ANK3: variants seen among roughly 807,000 people sequenced by gnomAD.
The protein encoded by ANK3 is ankyrin-3.
ANK3 carries 57 observed loss-of-function variants against 370.9 expected under a neutral mutation model. The ratio of observed to expected loss-of-function variants is 0.15; its 90% CI spans 0.12 to 0.19. The LOEUF is 0.19. Ranked by LOEUF, ANK3 falls within the 10% of genes least tolerant of loss-of-function variation. The pLI, the probability that ANK3 is intolerant of heterozygous loss-of-function variation, is 1.00. For missense variants in ANK3, 4,439 were observed against 5,302.1 expected, an observed-to-expected ratio of 0.84 and a Z score of 5.06; for synonymous variants, 1,929 against 1,946.3, an observed-to-expected ratio of 0.99 and a Z score of 0.23.
chr10:60,191,263 C>CA (rs1351529672), intron 16 of ANK3, among the ~76,000 whole-genome samples: 1 of 151,890 alleles, frequency 6.6e-6, no homozygotes, highest in Non-Finnish European at 1.5e-5. Context: ...AAAGCTTCTG[C>CA]ATAGCAAAAG....
intron 2 of ANK3, among the ~76,000 whole-genome samples, chr10:60,527,090 G>A (rs1488982059): frequency 6.6e-6 from 1 of 151,956 alleles, no homozygotes; most frequent in African/African-American, 2.4e-5. Context: ...CGTGCTAGAT[G>A]GGCAGTTAAA....
chr10:60,415,242 T>C (rs2063637762), intron 2 of ANK3, among the ~76,000 whole-genome samples: 1 of 152,124 alleles, frequency 6.6e-6, no homozygotes, highest in Non-Finnish European at 1.5e-5. Context: ...TACAAGGACT[T>C]GTGGAAGGAG....
intron 2 of ANK3, among the ~76,000 whole-genome samples, chr10:60,516,121 C>T (rs1019408072): frequency 2.0e-5 from 3 of 151,992 alleles, no homozygotes; most frequent in African/African-American, 7.2e-5. Context: ...TAGGGACCTA[C>T]TAAGTGTGGC....
At chr10:60,448,689 GGGGAGAACAGC>G (rs1359582000) in intron 2 of ANK3, among the ~76,000 whole-genome samples, 11 of 152,188 alleles carry the variant, frequency 7.2e-5, no homozygotes, top group Admixed American at 7.2e-4. Flanking sequence ...CTAGCCAGTT[GGGGAGAACAGC>G]AGGATTCTAG....
chr10:60,353,587 T>G (rs985090753), intron 1 of ANK3, among the ~76,000 whole-genome samples: 2 of 152,124 alleles, frequency 1.3e-5, no homozygotes, highest in African/African-American at 4.8e-5. Flanking sequence ...AGATGCTAGA[T>G]GTAGTTAAGA....
rs1564832438 is a variant in ANK3, at chr10:60,075,984, G to C, written c.4897C>G (p.Leu1633Val). 2.5e-6 allele frequency: 4 copies of C among 1,614,168 alleles called. No individual in the cohort carries two copies. In the East Asian group the frequency reaches 8.9e-5, roughly 36 times the overall value. Residue 1633 changes from leucine (L) to valine (V), a missense_variant, in exon 37 of 44, where the codon CTT becomes GTT. Transcript: ENST00000280772. Reference sequence around the variant, plus strand: ...ATAGTAATTGATGACCTCTCCAAAAGAGACCCTGCTGTAGTCACTGGAGAG... The same window carrying C: ...ATAGTAATTGATGACCTCTCCAAAACAGACCCTGCTGTAGTCACTGGAGAG... The part of the protein sequence containing the change: ...RTSPVTTAGS[L>V]LERSSITMTP...
At position 60,086,603 on chromosome 10, in the gene ANK3, T is replaced by A. The variant is rs936563520; in HGVS notation, c.3748+74A>T. ...GCATGGATATTTCAAAGGTTTTATATCTTTGTACACAAATATATCTTTGTA... is the reference window on the plus strand; with the variant it reads ...GCATGGATATTTCAAAGGTTTTATAACTTTGTACACAAATATATCTTTGTA... On this transcript the variant is annotated intron_variant, in intron 30 of 43. Coordinates refer to ENST00000280772, the MANE Select transcript of ANK3 (RefSeq NM_020987.5). 81 of 1,332,558 alleles carry A rather than the reference T, an allele frequency of 6.1e-5. 1 individual carries two copies. The highest frequency in any genetic ancestry group is 7.2e-6 in the Non-Finnish European group (7 of 968,136). The allele number at this position is 1,332,558 out of a possible 1,614,324, so 82.5% of individuals were successfully genotyped here. A position where few individuals can be genotyped will look rare whatever the true frequency, so the allele number is the denominator to read the frequency against.
intron 28 of ANK3, among the ~76,000 whole-genome samples, chr10:60,092,639 A>G (rs958999182): frequency 1.3e-5 from 2 of 152,222 alleles, no homozygotes; most frequent in South Asian, 2.1e-4. Flanking sequence ...AGGAACTGCA[A>G]TTTTACTCCT....
At chr10:60,705,814 T>G (rs1162017896) in intron 1 of ANK3, among the ~76,000 whole-genome samples, 1 of 132,982 alleles carries the variant, frequency 7.5e-6, no homozygotes, top group Non-Finnish European at 1.6e-5. Flanking sequence ...AGAGGTTTTT[T>G]TTTTTCTTTC....
intron 2 of ANK3, among the ~76,000 whole-genome samples, chr10:60,476,156 A>G (rs1483498934): frequency 2.0e-5 from 3 of 152,214 alleles, no homozygotes; most frequent in Non-Finnish European, 4.4e-5. Flanking sequence ...CTCAGAATAA[A>G]ATAACAAATA....
intron 2 of ANK3, among the ~76,000 whole-genome samples, chr10:60,483,580 A>G (rs951787127): frequency 6.6e-6 from 1 of 152,190 alleles, no homozygotes; most frequent in Admixed American, 6.5e-5. Flanking sequence ...TATGCTTAGG[A>G]AAGTTAACTG....
chr10:60,270,212 C>T lies in ANK3; in HGVS notation c.432G>A (p.Leu144=). 1 of 1,595,148 alleles carries T rather than the reference C, an allele frequency of 6.3e-7. No individual in the cohort carries two copies. The highest frequency in any genetic ancestry group is 2.3e-5 in the East Asian group (1 of 44,094). ...GGTGATTTTCCTGGGCTGCCATATA[C>T]AATGGCGTGAAACCATTCTGCAAAA... The part of the protein sequence containing the change: ...NAQSQNGFTP[L]YMAAQENHLE... The change falls in exon 5 of 44, where the codon TTG becomes TTA. Residue 144 remains leucine (L), a synonymous_variant. Coordinates refer to ENST00000280772, the MANE Select transcript of ANK3 (RefSeq NM_020987.5).
Position 60,030,614 on chromosome 10 carries a change from C to G in ANK3, c.*20-788G>C, listed in dbSNP as rs570750678. Among the ~76,000 whole-genome samples the G allele has an allele frequency of 3.3e-5, 5 of 152,234 alleles. No individual in the cohort carries two copies. In the South Asian group the frequency reaches 1.0e-3, roughly 32 times the overall value. ...AGAAGCTTATGTCTCATGGCAGGAT[C>G]CAGTCAGATAGAGCCTTGGCGTCAC... On this transcript the variant is annotated intron_variant, in intron 43 of 43. Transcript: ENST00000280772.
chr10:60,109,757 TG>T (rs2132098601), intron 26 of ANK3, among the ~76,000 whole-genome samples: 1 of 152,346 alleles, frequency 6.6e-6, no homozygotes, highest in East Asian at 1.9e-4. Flanking sequence ...ATTCTGTCAT[TG>T]GCCTTTTATT....
chr10:60,724,193 G>A (rs1481227855), intron 1 of ANK3, among the ~76,000 whole-genome samples: 1 of 107,030 alleles, frequency 9.3e-6, no homozygotes, highest in Non-Finnish European at 1.7e-5. Flanking sequence ...CTGGGCGACA[G>A]AGCAAGACTC....
At chr10:60,570,280 A>C (rs1014348055) in intron 2 of ANK3, among the ~76,000 whole-genome samples, 1 of 152,184 alleles carries the variant, frequency 6.6e-6, no homozygotes, top group African/African-American at 2.4e-5. Context: ...AAGAGAATAA[A>C]GTAGGTATCT....
At chr10:60,616,764 C>T (rs2078273281) in intron 1 of ANK3, among the ~76,000 whole-genome samples, 1 of 152,192 alleles carries the variant, frequency 6.6e-6, no homozygotes, top group South Asian at 2.1e-4. Context: ...GTATCATGTG[C>T]CCACCAAAAG....
intron 1 of ANK3, among the ~76,000 whole-genome samples, chr10:60,709,703 C>T (rs1376645746): frequency 1.3e-5 from 2 of 151,780 alleles, no homozygotes; most frequent in Non-Finnish European, 2.9e-5. Flanking sequence ...TGGCACATGC[C>T]TGTCATCCCA....
Position 60,668,933 on chromosome 10 carries a change from C to A in ANK3, c.58-53709G>T, listed in dbSNP as rs373308352. 1.1e-4 allele frequency among the ~76,000 whole-genome samples: 17 copies of A among 152,018 alleles called. 1 individual carries two copies. Among genetic ancestry groups the A allele is most frequent in the Admixed American group, 1.0e-3 (16 of 15,246 alleles). On this transcript the variant is annotated intron_variant, in intron 1 of 43. Coordinates refer to the ANK3 transcript ENST00000373827. ...GCTGGAACCCAGGAGGCAGAGGTTG[C>A]GGTGAGCCAAGATCGCGCCACTGCA...
Sources: allele counts gnomAD v4.1 joint callset (sites outside exome capture counted in the v4.1 genomes callset), GRCh38; gene constraint gnomAD v4.1.1; transcripts MANE v1.5; gene names NCBI Gene and HGNC (gene_info 2026-07-23, HGNC 2026-07-21).